SP140L: variants seen among roughly 807,000 people sequenced by gnomAD.
SP140L encodes nuclear body protein SP140-like protein.
In SP140L, 64 loss-of-function variants were observed where a neutral mutation model predicts 84.3. The observed-to-expected ratio is 0.76, with a 90% CI of 0.62 to 0.94. The LOEUF is 0.94. Among genes scored for constraint, SP140L ranks in the 40% least tolerant of loss-of-function variants. The probability of loss-of-function intolerance (pLI) is 0.00; values close to 1 mark genes in which losing one functional copy is unlikely to be tolerated. For synonymous variants in SP140L, 242 were observed against 236.9 expected, an observed-to-expected ratio of 1.02 and a Z score of -0.20; for missense variants, 628 against 692.5, an observed-to-expected ratio of 0.91 and a Z score of 1.05.
At chr2:230,396,143 G>A (rs753105478) in intron 13 of SP140L, among the ~76,000 whole-genome samples, 2 of 152,162 alleles carry the variant, frequency 1.3e-5, no homozygotes, top group Non-Finnish European at 2.9e-5. Context: ...GGGCCCCTTG[G>A]AGTAAGAGGA....
chr2:230,395,986 T>C (rs970783893), intron 13 of SP140L, among the ~76,000 whole-genome samples: 1 of 152,236 alleles, frequency 6.6e-6, no homozygotes, highest in Non-Finnish European at 1.5e-5. Context: ...CAGAAAGCAG[T>C]GCTCTTCTCT....
chr2:230,375,353 T>A (rs989259655), intron 7 of SP140L, among the ~76,000 whole-genome samples: 1 of 152,212 alleles, frequency 6.6e-6, no homozygotes, highest in Non-Finnish European at 1.5e-5. Context: ...TGAATTATGC[T>A]GCAATGAACA....
intron 13 of SP140L, among the ~76,000 whole-genome samples, chr2:230,394,948 A>G (rs1183083156): frequency 6.6e-6 from 1 of 152,168 alleles, no homozygotes; most frequent in Non-Finnish European, 1.5e-5. Context: ...ACTCACCCAG[A>G]ATAATCGTTG....
intron 9 of SP140L, 21 bp downstream of exon 9, chr2:230,385,325 C>G (rs370325107): frequency 1.6e-5 from 25 of 1,610,602 alleles, no homozygotes; most frequent in Non-Finnish European, 2.0e-5. Flanking sequence ...GTTGGTACCA[C>G]TTTTCATTTG....
intron 7 of SP140L, among the ~76,000 whole-genome samples, chr2:230,374,714 A>T (rs1241860003): frequency 6.6e-6 from 1 of 152,198 alleles, no homozygotes; most frequent in East Asian, 1.9e-4. Flanking sequence ...AAGACCCTTT[A>T]CCAGCAAAGA....
intron 2 of SP140L, among the ~76,000 whole-genome samples, chr2:230,333,734 G>C (rs2059789678): frequency 6.6e-6 from 1 of 151,132 alleles, no homozygotes; most frequent in Non-Finnish European, 1.5e-5. Flanking sequence ...GGGTTTCCTA[G>C]GTTGATCCTC....
At chr2:230,381,222 A>T (rs1325857105) in intron 7 of SP140L, among the ~76,000 whole-genome samples, 2 of 152,124 alleles carry the variant, frequency 1.3e-5, no homozygotes, top group East Asian at 3.9e-4. Context: ...TAAGCAACTC[A>T]CCTCTGGGGA....
At chr2:230,356,768 A>G (rs1463413495) in intron 2 of SP140L, among the ~76,000 whole-genome samples, 4 of 152,198 alleles carry the variant, frequency 2.6e-5, no homozygotes, top group Non-Finnish European at 5.9e-5. Context: ...TATTGCAACT[A>G]GCACTTTTCT....
At chr2:230,353,692 T>C (rs1282283123) in intron 2 of SP140L, among the ~76,000 whole-genome samples, 1 of 152,126 alleles carries the variant, frequency 6.6e-6, no homozygotes, top group Non-Finnish European at 1.5e-5. Flanking sequence ...ATACCTTCGA[T>C]ATCACTAATA....
rs752771242 is a variant in SP140L at position 230,401,348 on chromosome 2, G to A, written c.1423-18G>A. 9 of 1,595,676 alleles carry A rather than the reference G, an allele frequency of 5.6e-6. No homozygotes were observed. The highest frequency in any genetic ancestry group is 1.7e-5 in the Admixed American group (1 of 57,946). ...TCTCTCCAAGCTGCTTTTCATTTAC[G>A]GCCTCTTTCTTTTGCAGAAATGTGA... On this transcript the variant is annotated intron_variant, in intron 16 of 18. Coordinates refer to ENST00000415673, the MANE Select transcript of SP140L (RefSeq NM_138402.6).
intron 1 of SP140L, among the ~76,000 whole-genome samples, chr2:230,328,516 C>T (rs1265187594): frequency 7.2e-5 from 11 of 152,244 alleles, no homozygotes; most frequent in African/African-American, 2.7e-4. Flanking sequence ...ACTCTTTTTA[C>T]ATATACTATT....
rs368418740 is a variant in SP140L at position 230,359,145 on chromosome 2, A to C, written c.439+13A>C. On this transcript the variant is annotated intron_variant, in intron 4 of 18. Coordinates refer to ENST00000415673, the MANE Select transcript of SP140L (RefSeq NM_138402.6). ...AGCTTCAAAAATGGTAATTAGGTTTATTATCTACCTTTTGATTTCCGGGGC... is the reference window on the plus strand; with the variant it reads ...AGCTTCAAAAATGGTAATTAGGTTTCTTATCTACCTTTTGATTTCCGGGGC... The C allele has an allele frequency of 2.6e-4, 414 of 1,601,526 alleles. No homozygotes were observed. The highest frequency in any genetic ancestry group is 3.4e-4 in the Non-Finnish European group (401 of 1,176,752).
chr2:230,366,176 T>C (rs566536627), intron 5 of SP140L, among the ~76,000 whole-genome samples: 74 of 152,182 alleles, frequency 4.9e-4, no homozygotes, highest in Non-Finnish European at 8.8e-4. Context: ...TTTGTGGATT[T>C]TCTGTCTTAA....
intron 6 of SP140L, 83 bp from the exon 7 acceptor site, chr2:230,371,515 C>G: frequency 8.3e-7 from 1 of 1,204,626 alleles, no homozygotes; most frequent in Non-Finnish European, 1.2e-6. Flanking sequence ...TAAACTCAAG[C>G]CTTCTATAGT....
intron 10 of SP140L, among the ~76,000 whole-genome samples, chr2:230,388,963 A>G (rs762570479): frequency 6.6e-6 from 1 of 152,158 alleles, no homozygotes; most frequent in Non-Finnish European, 1.5e-5. Context: ...CTCTGGCTAC[A>G]CAGAAAGCCA....
intron 5 of SP140L, among the ~76,000 whole-genome samples, chr2:230,364,362 C>T (rs376080387): frequency 6.6e-6 from 1 of 151,966 alleles, no homozygotes; most frequent in East Asian, 1.9e-4. Flanking sequence ...TTTCAGTGTA[C>T]AAATATTTCA....
At chr2:230,346,301 C>A (rs2060207828) in intron 2 of SP140L, among the ~76,000 whole-genome samples, 1 of 152,060 alleles carries the variant, frequency 6.6e-6, no homozygotes, top group Non-Finnish European at 1.5e-5. Context: ...GCTTTCCTTG[C>A]TGCTTTCAAA....
chr2:230,342,609 A>C (rs1387446407), intron 2 of SP140L, among the ~76,000 whole-genome samples: 1 of 152,026 alleles, frequency 6.6e-6, no homozygotes, highest in South Asian at 2.1e-4. Flanking sequence ...CTGTTTTTTC[A>C]TGATTCAGTC....
At chr2:230,400,730 G>A in intron 15 of SP140L, 1 of 1,028,482 alleles carries the variant, frequency 9.7e-7, no homozygotes, top group Non-Finnish European at 1.4e-6. Context: ...CCCACTCACG[G>A]TGACACCACC....
Sources: gnomAD v4.1 joint callset for allele counts (sites outside exome capture counted in the v4.1 genomes callset) on GRCh38, gnomAD v4.1.1 for gene constraint, MANE v1.5 for transcripts, NCBI Gene and HGNC (gene_info 2026-07-23, HGNC 2026-07-21) for gene names.